Variants in CCSER2 observed in about 807,000 individuals in gnomAD.
The protein encoded by CCSER2 is coiled-coil serine rich protein 2.
Under a neutral mutation model 92.3 loss-of-function variants are expected in CCSER2, and 46 were observed. The observed-to-expected ratio is 0.50, with a 90% CI of 0.39 to 0.64. The LOEUF (loss-of-function observed/expected upper bound fraction) is 0.64, where lower values mean the gene tolerates loss of function less well. CCSER2 is among the 30% of genes least tolerant of loss of function. The pLI is 0.00. For missense variants in CCSER2, 1,244 were observed against 1,238.9 expected (o/e 1.00, Z -0.06); for synonymous variants, 433 against 431.4 (o/e 1.00, Z -0.04).
intron 9 of CCSER2, among the ~76,000 whole-genome samples, chr10:84,495,793 G>T (rs1266214036): frequency 7.0e-6 from 1 of 143,034 alleles, no homozygotes; most frequent in Non-Finnish European, 1.5e-5. Context: ...TTTTTGGCGT[G>T]GTATATCGTT....
intron 3 of CCSER2, among the ~76,000 whole-genome samples, chr10:84,396,170 C>G (rs1007173622): frequency 1.4e-5 from 2 of 140,752 alleles, no homozygotes; most frequent in Non-Finnish European, 3.0e-5. Flanking sequence ...AATATATTTT[C>G]TTAGTTATTC....
At chr10:84,442,356 A>T (rs558045954) in intron 6 of CCSER2, among the ~76,000 whole-genome samples, 150 of 152,326 alleles carry the variant, frequency 9.8e-4, no homozygotes, top group Non-Finnish European at 9.6e-4. Flanking sequence ...ATCTTGGATT[A>T]GTTGGGGAAA....
At chr10:84,478,977 T>G (rs919085012) in intron 9 of CCSER2, among the ~76,000 whole-genome samples, 1 of 152,210 alleles carries the variant, frequency 6.6e-6, no homozygotes, top group Non-Finnish European at 1.5e-5. Flanking sequence ...GATGGAAGTT[T>G]GGGCTTTCCA....
At chr10:84,444,071 T>C (rs1844756276) in intron 6 of CCSER2, among the ~76,000 whole-genome samples, 1 of 151,980 alleles carries the variant, frequency 6.6e-6, no homozygotes. Context: ...AGCAAACCGC[T>C]ATGGCACATG....
intron 6 of CCSER2, among the ~76,000 whole-genome samples, chr10:84,447,107 G>A (rs956039058): frequency 6.6e-6 from 1 of 151,432 alleles, no homozygotes. Context: ...TTCCTCTGAA[G>A]TATCTAATTA....
Position 84,351,623 on chromosome 10 carries a change from G to T in CCSER2, c.-39-19391G>T, listed in dbSNP as rs1175322368. Among the ~76,000 whole-genome samples the T allele has an allele frequency of 2.0e-5, 3 of 152,150 alleles. No individual in the cohort carries two copies. The East Asian group carries it at 5.8e-4, about 29-fold the overall frequency. ...GGGCTTAAGTGATCCTCCCACTGCA[G>T]CCTTCCGAATAGCTTGGACTGTAGG... On this transcript the variant is annotated intron_variant, in intron 1 of 9. Transcript: ENST00000372088.
Position 84,355,357 on chromosome 10 carries a change from C to G in CCSER2, c.-39-15657C>G, listed in dbSNP as rs969088984. ...GTTTTCTGAATGTGTCATGCTGATTCTATGTTTTTGTTTATGCTCTTAGGC... is the reference window on the plus strand; with the variant it reads ...GTTTTCTGAATGTGTCATGCTGATTGTATGTTTTTGTTTATGCTCTTAGGC... On this transcript the variant is annotated intron_variant, in intron 1 of 9. Coordinates refer to ENST00000372088, the MANE Select transcript of CCSER2 (RefSeq NM_001284240.2). 2.0e-5 allele frequency among the ~76,000 whole-genome samples: 3 copies of G among 152,224 alleles called. No homozygotes were observed. The East Asian group carries it at 5.8e-4, about 29-fold the overall frequency.
At chr10:84,398,844 T>G (rs1841974721) in intron 3 of CCSER2, among the ~76,000 whole-genome samples, 1 of 152,210 alleles carries the variant, frequency 6.6e-6, no homozygotes, top group Non-Finnish European at 1.5e-5. Context: ...GTAGACATAT[T>G]CACAGAGCCT....
chr10:84,496,615 G>A (rs1183386545), intron 9 of CCSER2, among the ~76,000 whole-genome samples: 1 of 152,156 alleles, frequency 6.6e-6, no homozygotes, highest in Non-Finnish European at 1.5e-5. Flanking sequence ...ATGGGAATGG[G>A]GGCTGGGGCC....
intron 1 of CCSER2, among the ~76,000 whole-genome samples, chr10:84,354,292 AT>A (rs144168567): frequency 0.023 from 3,480 of 150,960 alleles, 133 homozygotes; most frequent in African/African-American, 0.076. Flanking sequence ...AGAATAGAGT[AT>A]GTTTCCTGAC....
intron 3 of CCSER2, among the ~76,000 whole-genome samples, chr10:84,389,900 T>G (rs537708358): frequency 6.6e-6 from 1 of 152,282 alleles, no homozygotes; most frequent in East Asian, 1.9e-4. Context: ...TTTAGTCTCA[T>G]CTTTCATTTT....
In CCSER2 at chr10:84,372,033, A is replaced by C; in HGVS notation, c.981A>C (p.Arg327=). ...MVHPSLLKSS[R]SPFSGTMTVD... ...ATCCCTCTCTACTGAAATCTAGCCG[A>C]TCTCCATTTTCTGGGACTATGACAG... is the stretch of plus-strand genomic sequence containing the variant. Residue 327 remains arginine (R), a synonymous_variant, in exon 2 of 10, where the codon CGA becomes CGC. Transcript: ENST00000372088. 2 of 1,613,888 alleles carry C rather than the reference A, an allele frequency of 1.2e-6. No homozygotes were observed. Among genetic ancestry groups the C allele is most frequent in the Non-Finnish European group, 1.7e-6 (2 of 1,179,856 alleles).
At chr10:84,344,537 A>G (rs541313772) in intron 1 of CCSER2, among the ~76,000 whole-genome samples, 5 of 152,186 alleles carry the variant, frequency 3.3e-5, no homozygotes, top group East Asian at 1.9e-4. Context: ...ACTCTGTATT[A>G]TAGCATTTTG....
chr10:84,465,326 T>TTC (rs1846349906), intron 7 of CCSER2, among the ~76,000 whole-genome samples: 1 of 138,290 alleles, frequency 7.2e-6, no homozygotes, highest in South Asian at 2.5e-4. Context: ...TTTTTTTTTT[T>TTC]TTTTTTTTTT....
At chr10:84,394,180 G>A (rs1841688506) in intron 3 of CCSER2, among the ~76,000 whole-genome samples, 1 of 152,146 alleles carries the variant, frequency 6.6e-6, no homozygotes, top group African/African-American at 2.4e-5. Flanking sequence ...GTTACAATAT[G>A]AAGTTCAGTT....
intron 6 of CCSER2, among the ~76,000 whole-genome samples, chr10:84,462,263 T>A (rs1379619089): frequency 2.0e-5 from 3 of 152,232 alleles, no homozygotes; most frequent in Non-Finnish European, 4.4e-5. Flanking sequence ...TCTTTTTTCC[T>A]CTATCCTTAA....
In CCSER2 at chr10:84,357,451, G is replaced by GTT. The variant is rs11325480; in HGVS notation, c.-39-13548_-39-13547dup. On this transcript the variant is annotated intron_variant, in intron 1 of 9. Transcript: ENST00000372088. ...TTTATGACATTTATTATATTTTTGT[G>GTT]TTTTTTTTTTTTTTTTGAGACGGAG... Among the ~76,000 whole-genome samples, 524 of 115,534 alleles carry GTT rather than the reference G, an allele frequency of 4.5e-3. 2 individuals carry two copies. The highest frequency in any genetic ancestry group is 6.6e-3 in the Admixed American group (75 of 11,320). The allele number at this position is 115,534 out of a possible 152,430, so 75.8% of individuals were successfully genotyped here. A position where few individuals can be genotyped will look rare whatever the true frequency, so the allele number is the denominator to read the frequency against.
In CCSER2 at chr10:84,469,418, A is replaced by T. The variant is rs76092412; in HGVS notation, c.2149-954A>T. ...TTAAAAATCTTCCACATTGTTTGGG[A>T]TGCTTATGTGATATGTTCAAGGCTT... On this transcript the variant is annotated intron_variant, in intron 7 of 9. Transcript: ENST00000372088. 1.2e-3 allele frequency among the ~76,000 whole-genome samples: 178 copies of T among 152,144 alleles called. 1 individual carries two copies. Among genetic ancestry groups the T allele is most frequent in the African/African-American group, 4.2e-3 (174 of 41,530 alleles).
chr10:84,382,071 G>A (rs1013618252), intron 3 of CCSER2, among the ~76,000 whole-genome samples: 1 of 152,168 alleles, frequency 6.6e-6, no homozygotes, highest in Admixed American at 6.5e-5. Context: ...TTTGCCCCAT[G>A]TGACTTTTCC....
Sources: gnomAD v4.1 joint callset for allele counts (sites outside exome capture counted in the v4.1 genomes callset) on GRCh38, gnomAD v4.1.1 for gene constraint, MANE v1.5 for transcripts, NCBI Gene and HGNC (gene_info 2026-07-23, HGNC 2026-07-21) for gene names.